Variants in BCAS1 observed in about 807,000 individuals in gnomAD.
BCAS1 encodes brain enriched myelin associated protein 1.
In BCAS1, 46 loss-of-function variants were observed where a neutral mutation model predicts 65.4. That is an observed-to-expected ratio of 0.70 (90% CI 0.55 to 0.90). The LOEUF (loss-of-function observed/expected upper bound fraction) is 0.90, where lower values mean the gene tolerates loss of function less well. BCAS1 is among the 40% of genes least tolerant of loss of function. BCAS1 has a pLI of 0.00. For synonymous variants in BCAS1, 298 were observed against 293.5 expected (o/e 1.02, Z -0.16); for missense variants, 793 against 771.2 (o/e 1.03, Z -0.33).
chr20:54,050,736 C>T (rs2092197294), intron 3 of BCAS1, among the ~76,000 whole-genome samples: 1 of 152,166 alleles, frequency 6.6e-6, no homozygotes, highest in Non-Finnish European at 1.5e-5. Context: ...TTGCGTCCCT[C>T]CCCAACACCT....
chr20:53,981,489 G>A (rs1000807194), intron 8 of BCAS1, among the ~76,000 whole-genome samples: 9 of 150,446 alleles, frequency 6.0e-5, no homozygotes, highest in East Asian at 1.9e-4. Context: ...TGCAAATTTC[G>A]TTGTTTCAGA....
At chr20:54,055,827 TAC>T (rs1601018127) in intron 3 of BCAS1, among the ~76,000 whole-genome samples, 1 of 152,076 alleles carries the variant, frequency 6.6e-6, no homozygotes, top group East Asian at 1.9e-4. Context: ...TGTGTGTAAA[TAC>T]ACACACACAA....
chr20:53,998,357 T>G (rs2090972945), intron 4 of BCAS1, among the ~76,000 whole-genome samples: 1 of 152,236 alleles, frequency 6.6e-6, no homozygotes, highest in Non-Finnish European at 1.5e-5. Flanking sequence ...GGCTCACAGT[T>G]CTGCAGCCTT....
At chr20:53,954,144 G>A (rs1335048886) in intron 11 of BCAS1, among the ~76,000 whole-genome samples, 1 of 152,188 alleles carries the variant, frequency 6.6e-6, no homozygotes, top group Non-Finnish European at 1.5e-5. Context: ...TAATCTCAGA[G>A]CTTTGCTGAA....
In BCAS1 at chr20:54,070,541, G is replaced by A. The variant is rs1250421373; in HGVS notation, c.-114C>T. ...TGCTGCCCAGTGCCTGGCTGTCGGT[G>A]GAGCCTGGCTCCCTGCACTTTGCTT... On this transcript the variant is annotated 5_prime_UTR_variant, in exon 1 of 13. Coordinates refer to ENST00000688948, the MANE Select transcript of BCAS1 (RefSeq NM_001366298.2). 1 of 152,646 alleles carries A rather than the reference G, an allele frequency of 6.6e-6. No homozygotes were observed. Among genetic ancestry groups the A allele is most frequent in the African/African-American group, 2.4e-5 (1 of 41,468 alleles). The allele number at this position is 152,646 out of a possible 1,614,324, so 9.5% of individuals were successfully genotyped here. A position where few individuals can be genotyped will look rare whatever the true frequency, so the allele number is the denominator to read the frequency against.
chr20:54,005,556 G>C (rs1303698195), intron 4 of BCAS1, among the ~76,000 whole-genome samples: 1 of 152,152 alleles, frequency 6.6e-6, no homozygotes, highest in Admixed American at 6.6e-5. Context: ...CTGGATTTTA[G>C]AATCACCTGG....
intron 3 of BCAS1, among the ~76,000 whole-genome samples, chr20:54,043,331 C>T (rs199731475): frequency 1.4e-5 from 2 of 140,666 alleles, no homozygotes; most frequent in East Asian, 2.3e-4. Flanking sequence ...ATGATGATGA[C>T]GATGATTTTT....
intron 10 of BCAS1, among the ~76,000 whole-genome samples, chr20:53,957,883 GT>G (rs541840378): frequency 0.07 from 9,715 of 137,878 alleles, 525 homozygotes; most frequent in African/African-American, 0.16. Flanking sequence ...GTGTTTTATT[GT>G]TTTTTTTTTT....
chr20:53,997,583 A>G (rs2090950250), intron 4 of BCAS1, among the ~76,000 whole-genome samples: 1 of 152,162 alleles, frequency 6.6e-6, no homozygotes, highest in Non-Finnish European at 1.5e-5. Context: ...ATGTATCTAT[A>G]TTTTCTTTGG....
intron 4 of BCAS1, among the ~76,000 whole-genome samples, chr20:54,010,882 T>C (rs914251190): frequency 3.9e-5 from 6 of 152,146 alleles, no homozygotes; most frequent in African/African-American, 7.2e-5. Context: ...GGTGGAGACA[T>C]AGACATATAG....
intron 1 of BCAS1, among the ~76,000 whole-genome samples, chr20:54,059,940 C>A (rs761489447): frequency 7.9e-5 from 12 of 152,180 alleles, no homozygotes; most frequent in Non-Finnish European, 1.6e-4. Flanking sequence ...CTGGGCTGGG[C>A]ACTAGGGTTA....
Position 53,995,067 on chromosome 20 carries a change from T to C in BCAS1, c.883-11A>G, listed in dbSNP as rs2090870663. On this transcript the variant is annotated splice_polypyrimidine_tract_variant and intron_variant, in intron 5 of 12. Transcript: ENST00000688948. ...TTTGTTAGGTGAAACCTTAAAAGTT[T>C]GAGAAAGCCAAATATTAGAAATCAT... The C allele has an allele frequency of 1.9e-6, 3 of 1,608,926 alleles. No homozygotes were observed. Among genetic ancestry groups the C allele is most frequent in the Non-Finnish European group, 2.6e-6 (3 of 1,175,732 alleles).
intron 10 of BCAS1, among the ~76,000 whole-genome samples, chr20:53,962,955 A>G (rs112702639): frequency 0.015 from 2,256 of 152,006 alleles, 70 homozygotes; most frequent in African/African-American, 0.052. Flanking sequence ...GATTCACGCC[A>G]TTCTCCTGCC....
chr20:54,003,585 G>A (rs2091113201), intron 4 of BCAS1, among the ~76,000 whole-genome samples: 1 of 152,122 alleles, frequency 6.6e-6, no homozygotes, highest in Non-Finnish European at 1.5e-5. Flanking sequence ...ATTAAAAATG[G>A]GGCTTTTGTG....
intron 3 of BCAS1, among the ~76,000 whole-genome samples, chr20:54,047,660 A>T (rs1404115381): frequency 6.6e-6 from 1 of 152,176 alleles, no homozygotes; most frequent in Non-Finnish European, 1.5e-5. Context: ...AGAAGAAAGG[A>T]GAGTGCCTGT....
intron 4 of BCAS1, among the ~76,000 whole-genome samples, chr20:53,999,700 C>A (rs766783052): frequency 9.2e-5 from 14 of 152,156 alleles, no homozygotes; most frequent in Admixed American, 4.6e-4. Flanking sequence ...GAGCATGTGA[C>A]CTTACTTCTT....
intron 1 of BCAS1, among the ~76,000 whole-genome samples, chr20:54,060,336 G>A (rs190978545): frequency 1.7e-3 from 266 of 152,126 alleles, no homozygotes; most frequent in East Asian, 1.4e-3. Flanking sequence ...TTTTTGAGAC[G>A]GAGTCTCTCT....
intron 1 of BCAS1, among the ~76,000 whole-genome samples, chr20:54,059,777 T>C (rs1379856058): frequency 6.6e-6 from 1 of 152,194 alleles, no homozygotes; most frequent in Non-Finnish European, 1.5e-5. Flanking sequence ...TGGGAAGTAT[T>C]TGTGTACCTA....
rs761948053 is a variant in BCAS1, at chr20:54,028,647, G to T, written c.468C>A (p.His156Gln). 1 of 1,614,158 alleles carries T rather than the reference G, an allele frequency of 6.2e-7. No homozygotes were observed. Among genetic ancestry groups the T allele is most frequent in the Non-Finnish European group, 8.5e-7 (1 of 1,180,024 alleles). The part of the protein sequence containing the change: ...PGQDTDKTPG[H>Q]APAQDKVLSA... ...AGAGGACCTTGTCTTGGGCCGGGGC[G>T]TGCCCTGGGGTTTTATCTGTGTCCT... Residue 156 changes from histidine (H) to glutamine (Q), a missense_variant, in exon 4 of 13, where the codon CAC becomes CAA. By Grantham distance (24) the His-to-Gln change is conservative (BLOSUM62 0). Coordinates refer to ENST00000688948, the MANE Select transcript of BCAS1 (RefSeq NM_001366298.2).
Sources: gnomAD v4.1 joint callset for allele counts (sites outside exome capture counted in the v4.1 genomes callset) on GRCh38, gnomAD v4.1.1 for gene constraint, MANE v1.5 for transcripts, NCBI Gene and HGNC (gene_info 2026-07-23, HGNC 2026-07-21) for gene names.